Variants in ODF2L observed in about 807,000 individuals in gnomAD.
The protein encoded by ODF2L is outer dense fiber of sperm tails 2 like, also known as protein BCAP.
A neutral mutation model predicts 86.3 loss-of-function variants in ODF2L; 76 were observed. That is an observed-to-expected ratio of 0.88 (90% CI 0.73 to 1.07). The LOEUF is 1.07. Among genes scored for constraint, ODF2L ranks in the 50% least tolerant of loss-of-function variants. The pLI is 0.00. For missense variants in ODF2L, 748 were observed against 717.4 expected (o/e 1.04, Z -0.49); for synonymous variants, 241 against 231.3 (o/e 1.04, Z -0.38).
At chr1:86,390,595 C>T (rs963842728) in intron 1 of ODF2L, among the ~76,000 whole-genome samples, 3 of 152,150 alleles carry the variant, frequency 2.0e-5, no homozygotes, top group African/African-American at 7.2e-5. Context: ...ACAATCATCT[C>T]AATAGATGCA....
intron 8 of ODF2L, chr1:86,374,795 A>T (rs775570645): frequency 3.9e-5 from 6 of 152,218 alleles, no homozygotes; most frequent in Non-Finnish European, 7.4e-5. Context: ...CTGTCTCTGT[A>T]GTCCTTGGCA....
At chr1:86,394,626 G>A (rs1306080949) in intron 1 of ODF2L, among the ~76,000 whole-genome samples, 1 of 151,998 alleles carries the variant, frequency 6.6e-6, no homozygotes, top group Non-Finnish European at 1.5e-5. Flanking sequence ...AGCAGACCGC[G>A]ACCAGATCAC....
intron 2 of ODF2L, 86 bp from the exon 3 acceptor site, chr1:86,385,676 A>T (rs948076561): frequency 1.0e-6 from 1 of 965,746 alleles, no homozygotes; most frequent in African/African-American, 1.6e-5. Context: ...CCTATACAGT[A>T]CTCTTAATAG....
At chr1:86,365,795 C>G (rs1419003027) in intron 11 of ODF2L, among the ~76,000 whole-genome samples, 1 of 152,218 alleles carries the variant, frequency 6.6e-6, no homozygotes, top group East Asian at 1.9e-4. Flanking sequence ...TAGAGAGGCA[C>G]AGGGCTAAAG....
chr1:86,361,679 AAAAT>A (rs1331652966), intron 11 of ODF2L, among the ~76,000 whole-genome samples: 3 of 152,236 alleles, frequency 2.0e-5, no homozygotes, highest in Non-Finnish European at 4.4e-5. Context: ...TGTCATTAGA[AAAAT>A]AAAACAAATA....
At chr1:86,391,191 A>G (rs272511) in intron 1 of ODF2L, among the ~76,000 whole-genome samples, 102,735 of 152,118 alleles carry the variant, frequency 0.68, 34,885 homozygotes, top group Non-Finnish European at 0.72. Context: ...AATCATAGAT[A>G]ACACAAACAA....
intron 11 of ODF2L, among the ~76,000 whole-genome samples, chr1:86,361,565 A>T (rs1659038306): frequency 6.6e-6 from 1 of 152,246 alleles, no homozygotes; most frequent in Non-Finnish European, 1.5e-5. Flanking sequence ...GTGTGCGTGT[A>T]TCTCTCTCCA....
At chr1:86,394,423 A>AG (rs1446967542) in intron 1 of ODF2L, among the ~76,000 whole-genome samples, 1 of 152,062 alleles carries the variant, frequency 6.6e-6, no homozygotes, top group East Asian at 1.9e-4. Flanking sequence ...AAAAAAAAAA[A>AG]AAGCCATGAG....
chr1:86,371,958 C>T (rs1034392280), intron 9 of ODF2L, among the ~76,000 whole-genome samples: 1 of 152,010 alleles, frequency 6.6e-6, no homozygotes, highest in Admixed American at 6.6e-5. Flanking sequence ...GAGGCCGAGG[C>T]AGGCGGATCA....
chr1:86,388,588 C>T (rs1661102731), intron 1 of ODF2L, among the ~76,000 whole-genome samples: 2 of 151,416 alleles, frequency 1.3e-5, no homozygotes, highest in Non-Finnish European at 3.0e-5. Flanking sequence ...TTTTTAAATT[C>T]ACCCCTTGAT....
At chr1:86,395,753 C>T (rs1242777857) in intron 1 of ODF2L, among the ~76,000 whole-genome samples, 1 of 152,216 alleles carries the variant, frequency 6.6e-6, no homozygotes, top group African/African-American at 2.4e-5. Context: ...CCGGTCAGGA[C>T]TTCGTTCTGC....
intron 8 of ODF2L, among the ~76,000 whole-genome samples, chr1:86,374,056 C>T (rs754823902): frequency 6.6e-6 from 1 of 152,160 alleles, no homozygotes; most frequent in Admixed American, 6.5e-5. Context: ...GGCCACAATG[C>T]CAGTAATTAC....
At chr1:86,385,487 C>T (rs749039640) in exon 3 of ODF2L, 6 of 1,594,356 alleles carry the variant, frequency 3.8e-6, no homozygotes, top group Non-Finnish European at 4.3e-6. Flanking sequence ...TCAATGGTGT[C>T]CTTAAATAGT....
chr1:86,354,704 A>T lies in ODF2L; in HGVS notation c.1605-12T>A. 1 of 1,594,192 alleles carries T rather than the reference A, an allele frequency of 6.3e-7. No individual in the cohort carries two copies. The highest frequency in any genetic ancestry group is 1.1e-5 in the South Asian group (1 of 88,986). On this transcript the variant is annotated splice_polypyrimidine_tract_variant and intron_variant, in intron 15 of 17. Transcript: ENST00000317336. Reference sequence around the variant, plus strand: ...TCTGTTCTAATTTTCTTTTTACAGAAAACATATATTTTAAAATGTTAATGT... The same window carrying T: ...TCTGTTCTAATTTTCTTTTTACAGATAACATATATTTTAAAATGTTAATGT...
intron 10 of ODF2L, among the ~76,000 whole-genome samples, chr1:86,369,392 C>G (rs1659649095): frequency 6.6e-6 from 1 of 152,152 alleles, no homozygotes; most frequent in African/African-American, 2.4e-5. Context: ...CTTGCTACTT[C>G]CTATAACGTA....
chr1:86,385,089 T>C (rs1476555228), intron 3 of ODF2L, among the ~76,000 whole-genome samples: 3 of 151,946 alleles, frequency 2.0e-5, no homozygotes, highest in Non-Finnish European at 4.4e-5. Context: ...TAAACTTTAA[T>C]ATGCTGAAAT....
chr1:86,388,673 G>A (rs758362196), intron 1 of ODF2L, among the ~76,000 whole-genome samples: 1 of 151,912 alleles, frequency 6.6e-6, no homozygotes, highest in Non-Finnish European at 1.5e-5. Context: ...AATGTAAGAA[G>A]ATAGAAATTT....
exon 3 of ODF2L, chr1:86,385,583 G>T: frequency 6.2e-7 from 1 of 1,609,928 alleles, no homozygotes; most frequent in Non-Finnish European, 8.5e-7. Flanking sequence ...AGAATGTCCT[G>T]CTTCAGGCTA....
intron 7 of ODF2L, among the ~76,000 whole-genome samples, chr1:86,378,297 C>CAT (rs1404485127): frequency 2.6e-5 from 4 of 152,132 alleles, no homozygotes; most frequent in Non-Finnish European, 5.9e-5. Flanking sequence ...CTTCATTGTC[C>CAT]ATATCACTAT....
Sources: gnomAD v4.1 joint callset for allele counts (sites outside exome capture counted in the v4.1 genomes callset) on GRCh38, gnomAD v4.1.1 for gene constraint, MANE v1.5 for transcripts, NCBI Gene and HGNC (gene_info 2026-07-23, HGNC 2026-07-21) for gene names.